The following SLC16A10 variants were observed in gnomAD, a reference collection of about 807,000 sequenced individuals.
The protein encoded by SLC16A10 is monocarboxylate transporter 10.
In SLC16A10, 27 loss-of-function variants were observed where a neutral mutation model predicts 40.0. The ratio of observed to expected loss-of-function variants is 0.67; its 90% CI spans 0.50 to 0.93. SLC16A10 has a LOEUF of 0.93. SLC16A10 is among the 40% of genes least tolerant of loss of function. The pLI, the probability that SLC16A10 is intolerant of heterozygous loss-of-function variation, is 0.00. For synonymous variants in SLC16A10, 213 were observed against 249.8 expected, an observed-to-expected ratio of 0.85 and a Z score of 1.39; for missense variants, 529 against 658.2, an observed-to-expected ratio of 0.80 and a Z score of 2.15.
rs568191694 is a variant in SLC16A10 at position 111,113,558 on chromosome 6, T to C, written c.343+25463T>C. Among the ~76,000 whole-genome samples the C allele has an allele frequency of 3.3e-5, 5 of 152,354 alleles. No homozygotes were observed. In the East Asian group the frequency reaches 5.8e-4, roughly 18 times the overall value. On this transcript the variant is annotated intron_variant, in intron 1 of 5. Transcript: ENST00000368851. ...GGAACCAGTAATAGAAAATTTCTTATGTACATTCAGCAAAATCTAGTACTG... is the reference window on the plus strand; with the variant it reads ...GGAACCAGTAATAGAAAATTTCTTACGTACATTCAGCAAAATCTAGTACTG...
At chr6:111,111,984 ATG>A (rs539051292) in intron 1 of SLC16A10, among the ~76,000 whole-genome samples, 2 of 151,840 alleles carry the variant, frequency 1.3e-5, no homozygotes, top group East Asian at 1.9e-4. Flanking sequence ...GTGTGTATAG[ATG>A]TGTGTGTGTG....
At chr6:111,171,634 G>A (rs1006534916) in intron 1 of SLC16A10, among the ~76,000 whole-genome samples, 1 of 152,018 alleles carries the variant, frequency 6.6e-6, no homozygotes, top group African/African-American at 2.4e-5. Context: ...TGGGCAACCT[G>A]GCAAAACCTT....
At chr6:111,199,826 T>TAAA (rs376943651) in intron 3 of SLC16A10, among the ~76,000 whole-genome samples, 225 of 124,508 alleles carry the variant, frequency 1.8e-3, no homozygotes, top group East Asian at 3.8e-3. Context: ...CCAGGGAAAT[T>TAAA]TAAAAAAAAA....
intron 1 of SLC16A10, among the ~76,000 whole-genome samples, chr6:111,128,288 T>G (rs1771713070): frequency 6.6e-6 from 1 of 152,180 alleles, no homozygotes; most frequent in Admixed American, 6.5e-5. Context: ...TTCCTTCTCA[T>G]TTTACAGATG....
chr6:111,139,381 A>G (rs188426751), intron 1 of SLC16A10, among the ~76,000 whole-genome samples: 1 of 151,466 alleles, frequency 6.6e-6, no homozygotes, highest in Admixed American at 6.6e-5. Flanking sequence ...GGCTCACTGC[A>G]CCCTCTGCCT....
chr6:111,109,234 T>C (rs1771341472), intron 1 of SLC16A10, among the ~76,000 whole-genome samples: 2 of 152,158 alleles, frequency 1.3e-5, no homozygotes, highest in Non-Finnish European at 2.9e-5. Flanking sequence ...CAGTTAGTCT[T>C]TTTCCCTTAC....
intron 1 of SLC16A10, among the ~76,000 whole-genome samples, chr6:111,123,497 T>G (rs1460673060): frequency 6.6e-6 from 1 of 152,234 alleles, no homozygotes; most frequent in African/African-American, 2.4e-5. Context: ...TTGTCTGGTA[T>G]TAGTCCACTT....
In SLC16A10 at chr6:111,144,334, G is replaced by A. The variant is rs182657073; in HGVS notation, c.344-28361G>A. Among the ~76,000 whole-genome samples the A allele has an allele frequency of 1.3e-3, 197 of 152,212 alleles. 2 individuals are homozygous for A. The highest frequency in any genetic ancestry group is 0.012 in the South Asian group (56 of 4,818). On this transcript the variant is annotated intron_variant, in intron 1 of 5. Transcript: ENST00000368851. ...TTCTCCTGCCTCAGCCTCCCTAGTA[G>A]CTGGGACTACAGGCACACGCTGCTA...
intron 1 of SLC16A10, among the ~76,000 whole-genome samples, chr6:111,104,595 G>A (rs868723696): frequency 2.6e-5 from 4 of 152,182 alleles, no homozygotes; most frequent in Non-Finnish European, 4.4e-5. Context: ...GGAAAGGCTG[G>A]CTCACATTTT....
chr6:111,112,233 CTG>C (rs2114460189), intron 1 of SLC16A10, among the ~76,000 whole-genome samples: 1 of 152,022 alleles, frequency 6.6e-6, no homozygotes, highest in South Asian at 2.1e-4. Context: ...GATGGGGTCT[CTG>C]TGTTGCCTAG....
chr6:111,187,669 A>G (rs547530219), intron 3 of SLC16A10, among the ~76,000 whole-genome samples: 28 of 152,322 alleles, frequency 1.8e-4, no homozygotes, highest in Admixed American at 1.4e-3. Context: ...TGTAGAAACA[A>G]AATTATTAGA....
At chr6:111,221,913 C>A in intron 5 of SLC16A10, 90 bp from the exon 6 acceptor site, 2 of 1,195,050 alleles carry the variant, frequency 1.7e-6, no homozygotes, top group Non-Finnish European at 2.3e-6. Flanking sequence ...AGTCTGATGT[C>A]TGAGATGTCT....
chr6:111,107,415 T>C (rs1475030742), intron 1 of SLC16A10, among the ~76,000 whole-genome samples: 1 of 152,166 alleles, frequency 6.6e-6, no homozygotes, highest in Non-Finnish European at 1.5e-5. Flanking sequence ...ATTGATGCTT[T>C]ACAAAAAGTT....
At chr6:111,194,962 C>T (rs984843355) in intron 3 of SLC16A10, among the ~76,000 whole-genome samples, 1 of 152,142 alleles carries the variant, frequency 6.6e-6, no homozygotes, top group Non-Finnish European at 1.5e-5. Flanking sequence ...ACCCCCGCTT[C>T]CTTGTGAGGC....
chr6:111,124,027 T>C (rs1771628606), intron 1 of SLC16A10, among the ~76,000 whole-genome samples: 1 of 152,128 alleles, frequency 6.6e-6, no homozygotes, highest in African/African-American at 2.4e-5. Context: ...TGCTCTACTT[T>C]AGAGGGCTTG....
At chr6:111,178,410 C>G in intron 3 of SLC16A10, 1 of 532,778 alleles carries the variant, frequency 1.9e-6, no homozygotes, top group Middle Eastern at 3.3e-4. Flanking sequence ...AGGCAAAATT[C>G]AGCTTTGTTA....
intron 1 of SLC16A10, among the ~76,000 whole-genome samples, chr6:111,102,101 A>G (rs1376977817): frequency 1.3e-5 from 2 of 152,224 alleles, no homozygotes; most frequent in Admixed American, 6.5e-5. Context: ...AGTGAGTAGC[A>G]GGCAGTGTTG....
chr6:111,175,771 C>G (rs1466479730), intron 2 of SLC16A10, among the ~76,000 whole-genome samples: 10 of 151,560 alleles, frequency 6.6e-5, no homozygotes, highest in Non-Finnish European at 1.5e-4. Context: ...GTTATCATAG[C>G]TGACTGCAGC....
chr6:111,192,332 C>T (rs1478788469), intron 3 of SLC16A10, among the ~76,000 whole-genome samples: 1 of 152,140 alleles, frequency 6.6e-6, no homozygotes, highest in Non-Finnish European at 1.5e-5. Context: ...GACCTTTACT[C>T]CAGTTCCCAA....
Sources: allele counts gnomAD v4.1 joint callset (sites outside exome capture counted in the v4.1 genomes callset), GRCh38; gene constraint gnomAD v4.1.1; transcripts MANE v1.5; gene names NCBI Gene and HGNC (gene_info 2026-07-23, HGNC 2026-07-21).